Variants in SPEG observed in about 807,000 individuals in gnomAD.
SPEG encodes striated muscle enriched protein kinase, also known as striated muscle preferentially expressed protein kinase.
A neutral mutation model predicts 300.4 loss-of-function variants in SPEG; 114 were observed. That is an observed-to-expected ratio of 0.38 (90% CI 0.33 to 0.44). The LOEUF (loss-of-function observed/expected upper bound fraction) is 0.44, where lower values mean the gene tolerates loss of function less well. Ranked by LOEUF, SPEG falls within the 20% of genes least tolerant of loss-of-function variation. The pLI is 1.00. For synonymous variants in SPEG, 1,964 were observed against 2,018.9 expected (o/e 0.97, Z 0.73); for missense variants, 4,201 against 4,586.2 (o/e 0.92, Z 2.43).
chr2:219,455,692 A>C (rs998794641), intron 6 of SPEG, among the ~76,000 whole-genome samples: 6 of 152,088 alleles, frequency 3.9e-5, no homozygotes, highest in Non-Finnish European at 8.8e-5. Flanking sequence ...TCATGAGCTC[A>C]CTGGGAGGGC....
At position 219,493,615 on chromosome 2, in the gene SPEG, A is replaced by T. The variant is rs1222770897; in HGVS notation, c.*829A>T. On this transcript the variant is annotated 3_prime_UTR_variant, in exon 41 of 41. Coordinates refer to ENST00000312358, the MANE Select transcript of SPEG (RefSeq NM_005876.5). ...CTGTCTGTCTGCCACAAGGAAATAAAAATGGCAAGCAGCATAACCTGTGTG... is the reference window on the plus strand; with the variant it reads ...CTGTCTGTCTGCCACAAGGAAATAATAATGGCAAGCAGCATAACCTGTGTG... 1 of 461,756 alleles carries T rather than the reference A, an allele frequency of 2.2e-6. No individual in the cohort carries two copies. Among genetic ancestry groups the T allele is most frequent in the South Asian group, 1.5e-5 (1 of 64,952 alleles). The allele number at this position is 461,756 out of a possible 1,614,324, so 28.6% of individuals were successfully genotyped here.
At chr2:219,452,415 GTTTC>G (rs1030160020) in intron 6 of SPEG, among the ~76,000 whole-genome samples, 13 of 152,184 alleles carry the variant, frequency 8.5e-5, no homozygotes, top group African/African-American at 3.1e-4. Context: ...ATTCAGCCCA[GTTTC>G]TTTCTGGTTC....
intron 9 of SPEG, chr2:219,465,814 C>CATGCATGT (rs2125440435): frequency 1.7e-6 from 1 of 597,464 alleles, no homozygotes; most frequent in South Asian, 1.9e-5. Context: ...TGCATGTGTG[C>CATGCATGT]GTGTGCGTGC....
At chr2:219,447,080 C>T (rs1020157334) in intron 3 of SPEG, among the ~76,000 whole-genome samples, 1 of 149,518 alleles carries the variant, frequency 6.7e-6, no homozygotes, top group Non-Finnish European at 1.5e-5. Flanking sequence ...AGCTCTTGGG[C>T]ACCAAAGCTC....
intron 31 of SPEG, among the ~76,000 whole-genome samples, 181 bp from the exon 32 acceptor site, chr2:219,488,013 C>T (rs1225868170): frequency 6.6e-6 from 1 of 152,194 alleles, no homozygotes; most frequent in Non-Finnish European, 1.5e-5. Flanking sequence ...GAAAGTGATG[C>T]TTGCCCCAAA....
In SPEG at chr2:219,473,097, G is replaced by T; in HGVS notation, c.4147+1G>T. The T allele has an allele frequency of 6.2e-7, 1 of 1,613,078 alleles. No individual in the cohort carries two copies. Among genetic ancestry groups the T allele is most frequent in the Non-Finnish European group, 8.5e-7 (1 of 1,179,714 alleles). ...GAGCCTGTGCAGCTGCTGGAGCACGGTGAGCCTGGGTGCTCCTGTCGGGTG... is the reference window on the plus strand; with the variant it reads ...GAGCCTGTGCAGCTGCTGGAGCACGTTGAGCCTGGGTGCTCCTGTCGGGTG... On this transcript the variant is annotated splice_donor_variant, in intron 16 of 40. Coordinates refer to ENST00000312358, the MANE Select transcript of SPEG (RefSeq NM_005876.5). LOFTEE classifies it high-confidence loss of function. This position sits in a 1 kb window ranked among gnomAD's most constrained non-coding sequence, Gnocchi z 4.6.
At position 219,434,957 on chromosome 2, in the gene SPEG, C is replaced by A. The variant is rs1332213275; in HGVS notation, c.-21C>A. ...GTGGCCGCCCAGTTCCGGCGTCCCC[C>A]CAGCCCAGCTCTCAGTGGCCATGCA... On this transcript the variant is annotated 5_prime_UTR_variant, in exon 1 of 41. Transcript: ENST00000312358. The A allele has an allele frequency of 3.4e-6, 5 of 1,492,346 alleles. No individual in the cohort carries two copies. Among genetic ancestry groups the A allele is most frequent in the Non-Finnish European group, 2.7e-6 (3 of 1,129,214 alleles). 92.4% of individuals were successfully genotyped at this position (1,492,346 alleles called of 1,614,324 possible). A position where few individuals can be genotyped will look rare whatever the true frequency, so the allele number is the denominator to read the frequency against.
Position 219,434,953 on chromosome 2 carries a change from C to T in SPEG, c.-25C>T. On this transcript the variant is annotated 5_prime_UTR_variant, in exon 1 of 41. Coordinates refer to ENST00000312358, the MANE Select transcript of SPEG (RefSeq NM_005876.5). ...CCCCGTGGCCGCCCAGTTCCGGCGT[C>T]CCCCCAGCCCAGCTCTCAGTGGCCA... is the stretch of plus-strand genomic sequence containing the variant. 1 of 1,478,080 alleles carries T rather than the reference C, an allele frequency of 6.8e-7. No homozygotes were observed. The highest frequency in any genetic ancestry group is 1.3e-5 in the South Asian group (1 of 77,842). 91.6% of individuals were successfully genotyped at this position (1,478,080 alleles called of 1,614,324 possible). A position where few individuals can be genotyped will look rare whatever the true frequency, so the allele number is the denominator to read the frequency against.
At position 219,448,774 on chromosome 2, in the gene SPEG, C is replaced by A; in HGVS notation, c.1616C>A (p.Pro539His). The A allele has an allele frequency of 1.4e-6, 2 of 1,439,364 alleles. No homozygotes were observed. The highest frequency in any genetic ancestry group is 2.8e-5 in the South Asian group (2 of 70,952). 89.2% of individuals were successfully genotyped at this position (1,439,364 alleles called of 1,614,324 possible). Residue 539 changes from proline to histidine, a missense_variant, in exon 4 of 41, where the codon CCC becomes CAC. Pro to His is a moderately conservative substitution (Grantham distance 77, BLOSUM62 -2). Coordinates refer to ENST00000312358, the MANE Select transcript of SPEG (RefSeq NM_005876.5). Reference protein sequence around the residue: ...EPGEPPLFSRPSTPKTSRAVS... With the variant: ...EPGEPPLFSRHSTPKTSRAVS... The stretch of plus-strand genomic sequence containing the variant: ...GGCGAGCCCCCGCTCTTCTCTCGGC[C>A]CTCCACCCCCAAGACATCGCGGGCC...
Position 219,445,642 on chromosome 2 carries a change from G to C in SPEG, c.815+481G>C, listed in dbSNP as rs1387970449. On this transcript the variant is annotated intron_variant, in intron 3 of 40. Transcript: ENST00000312358. The surrounding 1 kb of genome is among the most constrained non-coding windows in gnomAD (Gnocchi z 6.1). ...CACGGCAGCTCCCGGGAGAGCAGGA[G>C]AGAGCAGGGGAACAAGCCAGCAAGC... is the stretch of plus-strand genomic sequence containing the variant. The C allele has an allele frequency of 1.4e-4, 25 of 173,042 alleles. No individual in the cohort carries two copies. The highest frequency in any genetic ancestry group is 1.3e-3 in the Admixed American group (25 of 18,560). 10.7% of individuals were successfully genotyped at this position (173,042 alleles called of 1,614,324 possible).
chr2:219,466,649 G>A, intron 9 of SPEG: 1 of 1,003,680 alleles, frequency 1.0e-6, no homozygotes, highest in Non-Finnish European at 1.2e-6. Flanking sequence ...CCCAGGCTCT[G>A]TGCTGATGAA....
intron 15 of SPEG, 150 bp downstream of exon 15, chr2:219,472,481 C>T (rs1691972100): frequency 7.5e-6 from 5 of 668,106 alleles, no homozygotes; most frequent in African/African-American, 1.8e-5. Context: ...CCCGTCTTCT[C>T]TCCACGTTGC....
Position 219,458,555 on chromosome 2 carries a change from A to C in SPEG, c.2441-3327A>C, listed in dbSNP as rs1444129547. On this transcript the variant is annotated intron_variant, in intron 6 of 40. Coordinates refer to ENST00000312358, the MANE Select transcript of SPEG (RefSeq NM_005876.5). The surrounding 1 kb of genome is among the most constrained non-coding windows in gnomAD (Gnocchi z 4.2). The stretch of plus-strand genomic sequence containing the variant: ...TTCCGATGCACAGAAAACCTTGAGA[A>C]CCACTGCCATAGAGTTAGAGATTGT... Among the ~76,000 whole-genome samples the C allele has an allele frequency of 6.6e-6, 1 of 152,212 alleles. No homozygotes were observed. Among genetic ancestry groups the C allele is most frequent in the Non-Finnish European group, 1.5e-5 (1 of 68,038 alleles).
Position 219,471,931 on chromosome 2 carries a change from G to GC in SPEG, c.3780dup (p.Val1261ArgfsTer91). On this transcript the variant is annotated frameshift_variant, in exon 14 of 41. Coordinates refer to ENST00000312358, the MANE Select transcript of SPEG (RefSeq NM_005876.5). LOFTEE classifies it high-confidence loss of function. ...CCTCAGCACGCCGGTGTCTACAAGA[G>GC]CGTCATTGCCAACAAGCTGGGCAAA... 6.2e-7 allele frequency: 1 copy of GC among 1,613,990 alleles called. No individual in the cohort carries two copies. The highest frequency in any genetic ancestry group is 8.5e-7 in the Non-Finnish European group (1 of 1,180,012).
At chr2:219,457,311 C>T (rs1456283734) in intron 6 of SPEG, among the ~76,000 whole-genome samples, 1 of 152,014 alleles carries the variant, frequency 6.6e-6, no homozygotes, top group Non-Finnish European at 1.5e-5. Context: ...GACTGGGTGC[C>T]GTGGCTCACA....
At chr2:219,454,159 C>T (rs1689990270) in intron 6 of SPEG, among the ~76,000 whole-genome samples, 1 of 152,216 alleles carries the variant, frequency 6.6e-6, no homozygotes, top group Admixed American at 6.5e-5. Flanking sequence ...ACAGGGCCTG[C>T]TTTTGAGGAC....
Position 219,482,845 on chromosome 2 carries a change from G to A in SPEG, c.5627G>A (p.Arg1876Lys). The change falls in exon 29 of 41, where the codon AGG becomes AAG. Residue 1876 changes from arginine to lysine, a missense_variant. Arg to Lys is a conservative substitution (Grantham distance 26). Around this residue, in one of 4 missense-constraint regions of SPEG, gnomAD observed 1,578 missense variants for 1,506.0 expected, o/e 1.05. Coordinates refer to ENST00000312358, the MANE Select transcript of SPEG (RefSeq NM_005876.5). ...CTGAAGCTATTCCTCTCCCGGCGGA[G>A]GTGGCAGGTAAGTGTGGCAGGCCAG... The part of the protein sequence containing the change: ...DHLKLFLSRR[R>K]WQRSQISYKC... 6.2e-7 allele frequency: 1 copy of A among 1,613,858 alleles called. No individual in the cohort carries two copies. The highest frequency in any genetic ancestry group is 8.5e-7 in the Non-Finnish European group (1 of 1,179,922).
rs1422501261 is a variant in SPEG, at chr2:219,481,821, GC to G, written c.5565+142del. The G allele has an allele frequency of 2.1e-5, 16 of 775,756 alleles. No homozygotes were observed. In the South Asian group the frequency reaches 2.4e-4, roughly 12 times the overall value. The allele number at this position is 775,756 out of a possible 1,614,324, so 48.1% of individuals were successfully genotyped here. ...CATATGACGTATTAGCCTCACAATA[GC>G]TTTGCAAAGGAAGGCATTATTAGTC... On this transcript the variant is annotated intron_variant, in intron 28 of 40. Coordinates refer to ENST00000312358, the MANE Select transcript of SPEG (RefSeq NM_005876.5). This position sits in a 1 kb window ranked among gnomAD's most constrained non-coding sequence, Gnocchi z 5.4.
In SPEG at chr2:219,444,936, A is replaced by G. The variant is rs767341284; in HGVS notation, c.590A>G (p.Gln197Arg). ...GGCAGCGGGCAGACGGTCCTGGAGC[A>G]GGAAGCGGGCAGTGGGGGTGGCACC... ...WWGSGQTVLE[Q>R]EAGSGGGTRR... Residue 197 changes from glutamine (Q) to arginine (R), a missense_variant, in exon 3 of 41, where the codon CAG becomes CGG. Coordinates refer to ENST00000312358, the MANE Select transcript of SPEG (RefSeq NM_005876.5). The surrounding 1 kb of genome is among the most constrained non-coding windows in gnomAD (Gnocchi z 7.8). 3 of 1,588,692 alleles carry G rather than the reference A, an allele frequency of 1.9e-6. No individual in the cohort carries two copies. The highest frequency in any genetic ancestry group is 2.2e-5 in the East Asian group (1 of 44,688).
Sources: gnomAD v4.1 joint callset for allele counts (sites outside exome capture counted in the v4.1 genomes callset) on GRCh38, gnomAD v4.1.1 for gene constraint, gnomAD v4.1.1 regional missense constraint, Gnocchi (gnomAD v3.1) non-coding constraint, MANE v1.5 for transcripts, NCBI Gene and HGNC (gene_info 2026-07-23, HGNC 2026-07-21) for gene names.